The following NCR1 variants were observed in gnomAD, a reference collection of about 807,000 sequenced individuals.
NCR1 encodes natural cytotoxicity triggering receptor 1, also known as NK cell-activating receptor.
NCR1 carries 30 observed loss-of-function variants against 32.5 expected under a neutral mutation model. The observed-to-expected ratio is 0.92, with a 90% CI of 0.69 to 1.25. The LOEUF (loss-of-function observed/expected upper bound fraction) is 1.25. NCR1 is among the 50% of genes most tolerant of loss of function. The pLI, the probability that NCR1 is intolerant of heterozygous loss-of-function variation, is 0.00. For missense variants in NCR1, 369 were observed against 380.7 expected (o/e 0.97, Z 0.26); for synonymous variants, 169 against 143.4 (o/e 1.18, Z -1.28).
intron 4 of NCR1, 148 bp from the exon 5 acceptor site, chr19:54,909,870 G>C: frequency 2.9e-6 from 2 of 688,364 alleles, no homozygotes; most frequent in South Asian, 1.9e-5. Context: ...GGGAGGCGGG[G>C]GTTGTAGTGA....
At chr19:54,903,648 CAT>C (rs587708076), upstream of NCR1, among the ~76,000 whole-genome samples, 476 of 133,662 alleles carry the variant, frequency 3.6e-3, 3 homozygotes, top group African/African-American at 0.012. Context: ...TATATATACA[CAT>C]ATATGTATAT....
chr19:54,933,993 A>G, the NCR1 span, among the ~76,000 whole-genome samples: 1 of 152,166 alleles, frequency 6.6e-6, no homozygotes, highest in African/African-American at 2.4e-5. Flanking sequence ...CCCAGGCTGG[A>G]GTGCAGTGGC....
the NCR1 span, among the ~76,000 whole-genome samples, chr19:54,933,982 G>A: frequency 5.3e-5 from 8 of 152,220 alleles, no homozygotes; most frequent in East Asian, 1.2e-3. Flanking sequence ...TCGCTCTGTC[G>A]CCCAGGCTGG....
the NCR1 span, chr19:54,923,379 T>G: frequency 5.6e-6 from 2 of 360,298 alleles, no homozygotes; most frequent in South Asian, 4.7e-5. Context: ...GGCGCCTGAG[T>G]TAGGGAAGAA....
chr19:54,917,092 C>G (rs112082407), downstream of NCR1, among the ~76,000 whole-genome samples: 435 of 151,986 alleles, frequency 2.9e-3, 2 homozygotes, highest in South Asian at 0.022. Flanking sequence ...CCACTTCCTC[C>G]TCGAAGGACT....
chr19:54,922,981 G>A, the NCR1 span, among the ~76,000 whole-genome samples: 4 of 151,556 alleles, frequency 2.6e-5, no homozygotes, highest in East Asian at 7.8e-4. Flanking sequence ...GAGAGAGAGA[G>A]ACACATACAC....
At chr19:54,930,577 C>G in the NCR1 span, 2 of 1,612,298 alleles carry the variant, frequency 1.2e-6, no homozygotes, top group South Asian at 2.2e-5. Context: ...CTGGTTGATA[C>G]TCAAGTCCAG....
At chr19:54,907,037 GAGAT>G (rs1406675010) in intron 3 of NCR1, among the ~76,000 whole-genome samples, 1 of 152,132 alleles carries the variant, frequency 6.6e-6, no homozygotes, top group Non-Finnish European at 1.5e-5. Context: ...CACAGATTCT[GAGAT>G]AGATATTTGT....
the NCR1 span, among the ~76,000 whole-genome samples, chr19:54,898,619 A>G: frequency 1.3e-5 from 2 of 152,164 alleles, no homozygotes; most frequent in African/African-American, 2.4e-5. Context: ...AGATTTGGTA[A>G]TAAAATGTAT....
In NCR1 at chr19:54,906,610, A is replaced by G. The variant is rs2067630114; in HGVS notation, c.158A>G (p.Tyr53Cys). 6.2e-7 allele frequency: 1 copy of G among 1,614,222 alleles called. No homozygotes were observed. Among genetic ancestry groups the G allele is most frequent in the Non-Finnish European group, 8.5e-7 (1 of 1,180,050 alleles). Residue 53 changes from tyrosine to cysteine, a missense_variant, in exon 3 of 7, where the codon TAT (tyrosine) becomes TGT (cysteine). Transcript: ENST00000291890. ...KQVTICCQGNYGAVEYQLHFE... is the reference protein window; with the variant it reads ...KQVTICCQGNCGAVEYQLHFE... ...GTGACCATCTGTTGCCAGGGAAATT[A>G]TGGGGCTGTTGAATACCAGCTGCAC...
the NCR1 span, chr19:54,923,582 C>T: frequency 2.0e-5 from 16 of 820,032 alleles, no homozygotes; most frequent in African/African-American, 1.2e-4. Flanking sequence ...GTGCGTGACT[C>T]GTGCAGAATC....
chr19:54,930,131 A>AG, the NCR1 span, among the ~76,000 whole-genome samples: 141 of 146,290 alleles, frequency 9.6e-4, no homozygotes, highest in African/African-American at 3.8e-3. Flanking sequence ...AAAAAAAAAA[A>AG]AAAGAAAACA....
chr19:54,903,347 T>C (rs587700263), upstream of NCR1, among the ~76,000 whole-genome samples: 12 of 125,402 alleles, frequency 9.6e-5, 2 homozygotes, highest in South Asian at 7.1e-4. Context: ...TATATACATA[T>C]ATGCATATAT....
chr19:54,906,234 G>A lies in NCR1; in HGVS notation c.34+13G>A, dbSNP rs760397944. Reference sequence around the variant, plus strand: ...CTGCTCTGCGTCGGTGAGTTCTGGCGTGGAAGGGGAATGGGATCACGGTGT... The same window carrying A: ...CTGCTCTGCGTCGGTGAGTTCTGGCATGGAAGGGGAATGGGATCACGGTGT... On this transcript the variant is annotated intron_variant, in intron 1 of 6. Transcript: ENST00000291890. The A allele has an allele frequency of 1.9e-5, 30 of 1,614,070 alleles. No homozygotes were observed. Among genetic ancestry groups the A allele is most frequent in the Non-Finnish European group, 2.2e-5 (26 of 1,180,050 alleles).
chr19:54,926,913 CTTTA>C, the NCR1 span, among the ~76,000 whole-genome samples: 1 of 59,726 alleles, frequency 1.7e-5, no homozygotes, highest in Non-Finnish European at 3.0e-5. Context: ...GAGACTCTGT[CTTTA>C]AAAAAAAAAA....
chr19:54,899,668 C>G, the NCR1 span, among the ~76,000 whole-genome samples: 1 of 151,586 alleles, frequency 6.6e-6, no homozygotes, highest in African/African-American at 2.4e-5. Flanking sequence ...TCTTGCCCCC[C>G]CAGAAAAGCA....
At chr19:54,903,357 TACATAC>T (rs1457853382), upstream of NCR1, among the ~76,000 whole-genome samples, 1,209 of 130,470 alleles carry the variant, frequency 9.3e-3, 29 homozygotes, top group Middle Eastern at 0.023. Flanking sequence ...TATGCATATA[TACATAC>T]ATGTATATAT....
chr19:54,906,905 GTC>G, intron 3 of NCR1, 98 bp downstream of exon 3: 1 of 1,412,084 alleles, frequency 7.1e-7, no homozygotes, highest in South Asian at 1.3e-5. Context: ...GACACTGCTT[GTC>G]TCGGTAGGAG....
downstream of NCR1, among the ~76,000 whole-genome samples, chr19:54,919,871 G>A (rs532206219): frequency 1.2e-4 from 19 of 152,312 alleles, no homozygotes; most frequent in South Asian, 1.0e-3. Flanking sequence ...TGGTGGCCCT[G>A]TCCGGGCATA....
Sources: allele counts gnomAD v4.1 joint callset (sites outside exome capture counted in the v4.1 genomes callset), GRCh38; gene constraint gnomAD v4.1.1; transcripts MANE v1.5; gene names NCBI Gene and HGNC (gene_info 2026-07-23, HGNC 2026-07-21).